Variants in ADAMTSL1 observed in about 807,000 individuals in gnomAD.
ADAMTSL1 encodes the protein ADAMTS like 1.
ADAMTSL1 carries 126 observed loss-of-function variants against 201.8 expected under a neutral mutation model. That is an observed-to-expected ratio of 0.62 (90% CI 0.54 to 0.72). ADAMTSL1 has a LOEUF of 0.72. Ranked by LOEUF, ADAMTSL1 falls within the 30% of genes least tolerant of loss-of-function variation. The pLI, the probability that ADAMTSL1 is intolerant of heterozygous loss-of-function variation, is 0.00. For synonymous variants in ADAMTSL1, 1,121 were observed against 903.4 expected, an observed-to-expected ratio of 1.24 and a Z score of -4.32; for missense variants, 2,679 against 2,277.8, an observed-to-expected ratio of 1.18 and a Z score of -3.59.
intron 19 of ADAMTSL1, among the ~76,000 whole-genome samples, chr9:18,791,098 A>C (rs1314401426): frequency 6.6e-6 from 1 of 152,248 alleles, no homozygotes; most frequent in African/African-American, 2.4e-5. Flanking sequence ...AATTAAGCTA[A>C]ATTAATAGAG....
intron 2 of ADAMTSL1, among the ~76,000 whole-genome samples, chr9:18,420,735 C>G (rs953180130): frequency 1.7e-4 from 26 of 152,156 alleles, no homozygotes; most frequent in African/African-American, 5.8e-4. Flanking sequence ...TTACAGTTTG[C>G]TGAATGAATG....
intron 1 of ADAMTSL1, among the ~76,000 whole-genome samples, chr9:18,490,333 G>T (rs1278629676): frequency 6.6e-6 from 1 of 152,076 alleles, no homozygotes; most frequent in Non-Finnish European, 1.5e-5. Context: ...ATTGGAGGGA[G>T]GGAGAGGGGG....
At chr9:18,508,663 A>T (rs777303289) in intron 2 of ADAMTSL1, among the ~76,000 whole-genome samples, 4 of 152,236 alleles carry the variant, frequency 2.6e-5, no homozygotes, top group Non-Finnish European at 5.9e-5. Flanking sequence ...CCTAGCATTC[A>T]TTAAACTTTC....
intron 1 of ADAMTSL1, among the ~76,000 whole-genome samples, chr9:18,095,584 G>A (rs201688683): frequency 5.9e-5 from 9 of 151,750 alleles, no homozygotes; most frequent in African/African-American, 1.5e-4. Flanking sequence ...CACCACGCCC[G>A]GCTAATTTTT....
chr9:18,209,151 A>G (rs572352813), intron 2 of ADAMTSL1, among the ~76,000 whole-genome samples: 7 of 152,264 alleles, frequency 4.6e-5, no homozygotes, highest in Middle Eastern at 3.4e-3. Flanking sequence ...CAAGAACATT[A>G]TACAAGTGTT....
chr9:17,951,746 C>T (rs1391895668), intron 1 of ADAMTSL1, among the ~76,000 whole-genome samples: 1 of 151,564 alleles, frequency 6.6e-6, no homozygotes, highest in Non-Finnish European at 1.5e-5. Context: ...TAGTCTGTGG[C>T]TTATCTTTTA....
chr9:18,759,509 G>A (rs1012755900), intron 16 of ADAMTSL1, among the ~76,000 whole-genome samples: 7 of 152,058 alleles, frequency 4.6e-5, no homozygotes, highest in Admixed American at 1.3e-4. Context: ...TAAGTTAGAG[G>A]CTATATTTAT....
chr9:18,078,024 G>T (rs1167013606), intron 1 of ADAMTSL1, among the ~76,000 whole-genome samples: 2 of 152,146 alleles, frequency 1.3e-5, no homozygotes, highest in African/African-American at 4.8e-5. Flanking sequence ...ATGGAGGAAG[G>T]AGAGTTGAAC....
At chr9:18,708,480 G>A (rs570087112) in intron 14 of ADAMTSL1, among the ~76,000 whole-genome samples, 236 of 152,302 alleles carry the variant, frequency 1.5e-3, no homozygotes, top group Non-Finnish European at 2.7e-3. Flanking sequence ...GTTCATATGG[G>A]ACTCTTCACT....
intron 20 of ADAMTSL1, among the ~76,000 whole-genome samples, chr9:18,804,118 A>T (rs888346871): frequency 6.6e-6 from 1 of 152,178 alleles, no homozygotes; most frequent in African/African-American, 2.4e-5. Context: ...CAAGAGTTCT[A>T]TGAATCTCTT....
intron 3 of ADAMTSL1, among the ~76,000 whole-genome samples, chr9:18,572,388 AT>A (rs34301959): frequency 0.27 from 41,325 of 151,908 alleles, 6,159 homozygotes; most frequent in Admixed American, 0.36. Flanking sequence ...ACTGCATCCT[AT>A]TATCTAAAAA....
chr9:18,292,355 T>G (rs1419386738), intron 2 of ADAMTSL1, among the ~76,000 whole-genome samples: 3 of 152,014 alleles, frequency 2.0e-5, no homozygotes, highest in African/African-American at 7.2e-5. Context: ...TATGATGAAA[T>G]GGTAAGTAAA....
intron 23 of ADAMTSL1, among the ~76,000 whole-genome samples, chr9:18,879,421 T>A (rs565860811): frequency 2.4e-4 from 36 of 152,302 alleles, no homozygotes; most frequent in African/African-American, 8.4e-4. Flanking sequence ...ATCTTAGCCT[T>A]GATAAGTTTC....
At chr9:18,891,383 T>C (rs2131556143) in intron 25 of ADAMTSL1, among the ~76,000 whole-genome samples, 1 of 106,748 alleles carries the variant, frequency 9.4e-6, no homozygotes, top group Middle Eastern at 4.6e-3. Flanking sequence ...AAGAGTGGGA[T>C]TTTTTTGTTC....
intron 23 of ADAMTSL1, among the ~76,000 whole-genome samples, chr9:18,845,000 C>T (rs1015934123): frequency 1.3e-5 from 2 of 152,240 alleles, no homozygotes; most frequent in South Asian, 4.1e-4. Context: ...CCGAGTGAGG[C>T]AATGCCTCGC....
At chr9:18,445,017 T>C (rs567988075) in intron 2 of ADAMTSL1, among the ~76,000 whole-genome samples, 1 of 152,208 alleles carries the variant, frequency 6.6e-6, no homozygotes, top group South Asian at 2.1e-4. Flanking sequence ...TAAGGTCAAA[T>C]AGAATGTTAT....
At chr9:18,311,960 A>G (rs1480064204) in intron 2 of ADAMTSL1, among the ~76,000 whole-genome samples, 4 of 152,198 alleles carry the variant, frequency 2.6e-5, no homozygotes, top group Non-Finnish European at 4.4e-5. Context: ...AGACAATTAC[A>G]TATCTGTTGA....
At chr9:17,921,602 C>A (rs762136155) in intron 1 of ADAMTSL1, among the ~76,000 whole-genome samples, 5 of 152,060 alleles carry the variant, frequency 3.3e-5, no homozygotes, top group Non-Finnish European at 7.4e-5. Flanking sequence ...CTTGTTATAA[C>A]TCATTCTGGT....
chr9:17,942,799 T>C (rs763739011), intron 1 of ADAMTSL1, among the ~76,000 whole-genome samples: 13 of 152,198 alleles, frequency 8.5e-5, no homozygotes, highest in Non-Finnish European at 1.8e-4. Context: ...TTAGGTACCT[T>C]GTAGTCTCAA....
Sources: gnomAD v4.1 joint callset for allele counts (sites outside exome capture counted in the v4.1 genomes callset) on GRCh38, gnomAD v4.1.1 for gene constraint, MANE v1.5 for transcripts, NCBI Gene and HGNC (gene_info 2026-07-23, HGNC 2026-07-21) for gene names.